MAST1: variants seen among roughly 807,000 people sequenced by gnomAD.
MAST1 encodes microtubule associated serine/threonine kinase 1, also known as microtubule-associated serine/threonine-protein kinase 1.
In MAST1, 40 loss-of-function variants were observed where a neutral mutation model predicts 124.6. That is an observed-to-expected ratio of 0.32 (90% CI 0.25 to 0.42). The LOEUF (loss-of-function observed/expected upper bound fraction) is 0.42, where lower values mean the gene tolerates loss of function less well. MAST1 is among the 10% of genes least tolerant of loss of function. The pLI is 1.00. For synonymous variants in MAST1, 938 were observed against 939.4 expected (o/e 1.00, Z 0.03); for missense variants, 1,558 against 2,181.9 (o/e 0.71, Z 5.70).
At position 12,858,318 on chromosome 19, in the gene MAST1, C is replaced by G. The variant is rs780963326; in HGVS notation, c.1078-44C>G. On this transcript the variant is annotated intron_variant, in intron 10 of 25. Transcript: ENST00000251472. ...AAAATGAAATTAAAAGCATCCTGCTCTCATGATGATGATGGTGGTGTGGTC... is the reference window on the plus strand; with the variant it reads ...AAAATGAAATTAAAAGCATCCTGCTGTCATGATGATGATGGTGGTGTGGTC... 15 of 1,524,956 alleles carry G rather than the reference C, an allele frequency of 9.8e-6. No individual in the cohort carries two copies. In the African/African-American group the frequency reaches 1.4e-4, roughly 14 times the overall value. The allele number at this position is 1,524,956 out of a possible 1,614,324, so 94.5% of individuals were successfully genotyped here. A position where few individuals can be genotyped will look rare whatever the true frequency, so the allele number is the denominator to read the frequency against.
At chr19:12,870,352 G>A (rs565629897) in intron 22 of MAST1, among the ~76,000 whole-genome samples, 4 of 149,736 alleles carry the variant, frequency 2.7e-5, no homozygotes, top group South Asian at 4.2e-4. Flanking sequence ...TTAGCCAGGC[G>A]TGGTGGCAGA....
chr19:12,866,639 T>C lies in MAST1; in HGVS notation c.2030-14T>C, dbSNP rs1599589365. 4 of 1,591,992 alleles carry C rather than the reference T, an allele frequency of 2.5e-6. No homozygotes were observed. In the East Asian group the frequency reaches 9.0e-5, roughly 36 times the overall value. Reference sequence around the variant, plus strand: ...ACCCCGTACCCTCAGTCACAGCCCATACCCGCTCCCCAGCCCGCTCAGACA... The same window carrying C: ...ACCCCGTACCCTCAGTCACAGCCCACACCCGCTCCCCAGCCCGCTCAGACA... On this transcript the variant is annotated splice_polypyrimidine_tract_variant and intron_variant, in intron 17 of 25. Transcript: ENST00000251472. The surrounding 1 kb of genome is among the most constrained non-coding windows in gnomAD (Gnocchi z 5.2).
chr19:12,850,223 A>C (rs1165845358), intron 7 of MAST1, among the ~76,000 whole-genome samples: 2 of 152,204 alleles, frequency 1.3e-5, no homozygotes, highest in African/African-American at 4.8e-5. Flanking sequence ...GCAGGAAGAG[A>C]CAGAAGATAA....
In MAST1 at chr19:12,874,731, C is replaced by T. The variant is rs755137826; in HGVS notation, c.4574C>T (p.Thr1525Ile). 3.7e-6 allele frequency: 6 copies of T among 1,600,580 alleles called. No individual in the cohort carries two copies. The highest frequency in any genetic ancestry group is 5.1e-6 in the Non-Finnish European group (6 of 1,170,066). ...AKCSAPSSAV[T>I]PVPPASLLGS... ...TGCAGTGCACCCAGCAGTGCAGTGA[C>T]CCCAGTCCCACCCGCATCCCTCTTG... The change falls in exon 26 of 26, where the codon ACC becomes ATC. Residue 1525 changes from threonine (T) to isoleucine (I), a missense_variant. This residue lies in a region of MAST1 where 168 missense variants were observed against 154.3 expected (regional missense o/e 1.09). Transcript: ENST00000251472. The surrounding 1 kb of genome is among the most constrained non-coding windows in gnomAD (Gnocchi z 6.6).
At chr19:12,839,104 G>A (rs949602501) in intron 1 of MAST1, among the ~76,000 whole-genome samples, 5 of 151,892 alleles carry the variant, frequency 3.3e-5, no homozygotes, top group Admixed American at 2.6e-4. Context: ...CTCCCTCTTC[G>A]GGAGCTGGAT....
chr19:12,859,566 C>T (rs544818580), intron 12 of MAST1, among the ~76,000 whole-genome samples: 1 of 151,716 alleles, frequency 6.6e-6, no homozygotes, highest in South Asian at 2.1e-4. Context: ...TTTGGGAGGC[C>T]AAGGTGGGGA....
At position 12,867,480 on chromosome 19, in the gene MAST1, A is replaced by T. The variant is rs776461858; in HGVS notation, c.2146A>T (p.Ser716Cys). 3 of 1,613,182 alleles carry T rather than the reference A, an allele frequency of 1.9e-6. No homozygotes were observed. In the African/African-American group the frequency reaches 4.0e-5, roughly 22 times the overall value. The change falls in exon 19 of 26, where the codon AGC becomes TGC. Residue 716 changes from serine to cysteine, a missense_variant. Physicochemically the swap from Ser to Cys is moderately radical, Grantham distance 112. Coordinates refer to ENST00000251472, the MANE Select transcript of MAST1 (RefSeq NM_014975.3). ...CTCCCACCACCACCTACAGGTGTAT[A>T]GCAGCATGGAGCAGCTGTCGCAGCA... is the stretch of plus-strand genomic sequence containing the variant. ...SCSPRFSKVY[S>C]SMEQLSQHEP...
At chr19:12,851,350 G>GC (rs550232172) in intron 7 of MAST1, among the ~76,000 whole-genome samples, 1 of 150,466 alleles carries the variant, frequency 6.6e-6, no homozygotes, top group Admixed American at 6.6e-5. Context: ...TGCAGCCTTA[G>GC]CCCCCTGGGC....
rs1453881031 is a variant in MAST1, at chr19:12,874,153, C to T, written c.3996C>T (p.Gly1332=). ...GGCAGGTCGCCGTCCGCCGCCTGGG[C>T]CGACAGGAGTCACCTTTGAGCCTGG... ...APRQVAVRRL[G]RQESPLSLGA... Residue 1332 remains glycine (G), a synonymous_variant, in exon 26 of 26, where the codon GGC becomes GGT. Coordinates refer to ENST00000251472, the MANE Select transcript of MAST1 (RefSeq NM_014975.3). The surrounding 1 kb of genome is among the most constrained non-coding windows in gnomAD (Gnocchi z 6.6). 2 of 1,540,720 alleles carry T rather than the reference C, an allele frequency of 1.3e-6. No individual in the cohort carries two copies. The highest frequency in any genetic ancestry group is 8.7e-7 in the Non-Finnish European group (1 of 1,145,840).
chr19:12,849,200 A>G (rs1228027798), intron 7 of MAST1, among the ~76,000 whole-genome samples: 1 of 152,126 alleles, frequency 6.6e-6, no homozygotes, highest in Admixed American at 6.6e-5. Flanking sequence ...CCCAGCACAC[A>G]GTAGGTACTC....
At chr19:12,868,507 A>G (rs1970191490) in intron 20 of MAST1, 136 bp from the exon 21 acceptor site, 1 of 707,220 alleles carries the variant, frequency 1.4e-6, no homozygotes, top group East Asian at 2.6e-5. Flanking sequence ...GCAGTGAGGC[A>G]TGCAGGTTAC....
intron 10 of MAST1, among the ~76,000 whole-genome samples, chr19:12,857,846 G>A (rs1483822203): frequency 6.6e-6 from 1 of 151,872 alleles, no homozygotes; most frequent in Non-Finnish European, 1.5e-5. Flanking sequence ...TGGGCAAGAT[G>A]GCAAAACCAA....
Position 12,865,570 on chromosome 19 carries a change from C to T in MAST1, c.1804+89C>T. On this transcript the variant is annotated intron_variant, in intron 15 of 25. Coordinates refer to ENST00000251472, the MANE Select transcript of MAST1 (RefSeq NM_014975.3). This position sits in a 1 kb window ranked among gnomAD's most constrained non-coding sequence, Gnocchi z 7.1. ...GGTTCCAGGGATTTCAAAAGCGACC[C>T]CCCAGAGGATCGCTTGCACTCAGGA... 1 of 1,514,194 alleles carries T rather than the reference C, an allele frequency of 6.6e-7. No homozygotes were observed. Among genetic ancestry groups the T allele is most frequent in the Non-Finnish European group, 8.9e-7 (1 of 1,123,934 alleles). 93.8% of individuals were successfully genotyped at this position (1,514,194 alleles called of 1,614,324 possible).
At position 12,874,086 on chromosome 19, in the gene MAST1, C is replaced by A. The variant is rs1212566160; in HGVS notation, c.3929C>A (p.Ser1310Tyr). ...GELALHSLAE[S>Y]DGETPPVEGL... The stretch of plus-strand genomic sequence containing the variant: ...CTGGCGCTGCATAGCCTTGCCGAGT[C>A]CGACGGTGAGACGCCCCCAGTCGAG... Residue 1310 changes from serine to tyrosine, a missense_variant, in exon 26 of 26, where the codon TCC (serine) becomes TAC (tyrosine). Coordinates refer to ENST00000251472, the MANE Select transcript of MAST1 (RefSeq NM_014975.3). This position sits in a 1 kb window ranked among gnomAD's most constrained non-coding sequence, Gnocchi z 6.6. 1 of 1,573,296 alleles carries A rather than the reference C, an allele frequency of 6.4e-7. No homozygotes were observed. Among genetic ancestry groups the A allele is most frequent in the South Asian group, 1.2e-5 (1 of 86,394 alleles).
intron 4 of MAST1, among the ~76,000 whole-genome samples, chr19:12,844,155 A>G (rs1235696256): frequency 6.6e-6 from 1 of 151,912 alleles, no homozygotes; most frequent in Admixed American, 6.6e-5. Context: ...CTCATTTCTG[A>G]CTCACTCATT....
intron 1 of MAST1, among the ~76,000 whole-genome samples, chr19:12,839,251 C>T (rs1002424140): frequency 3.3e-5 from 5 of 151,934 alleles, no homozygotes; most frequent in African/African-American, 7.3e-5. Context: ...CCCTAGTGGC[C>T]CAGATACACT....
At position 12,843,788 on chromosome 19, in the gene MAST1, C is replaced by G. The variant is rs1450181821; in HGVS notation, c.327+181C>G. Reference sequence around the variant, plus strand: ...GGCCAAGACAGAAGGATTGCTTGAGCCTAGGAGTTCAAGACCAGTCTGGGC... The same window carrying G: ...GGCCAAGACAGAAGGATTGCTTGAGGCTAGGAGTTCAAGACCAGTCTGGGC... On this transcript the variant is annotated intron_variant, in intron 4 of 25. Coordinates refer to ENST00000251472, the MANE Select transcript of MAST1 (RefSeq NM_014975.3). The surrounding 1 kb of genome is among the most constrained non-coding windows in gnomAD (Gnocchi z 4.9). Among the ~76,000 whole-genome samples, 2 of 152,036 alleles carry G rather than the reference C, an allele frequency of 1.3e-5. No homozygotes were observed.
rs189832910 is a variant in MAST1 at position 12,864,483 on chromosome 19, G to C, written c.1367-326G>C. The stretch of plus-strand genomic sequence containing the variant: ...TTCAGACACCAGGAGATAGAGGGCT[G>C]TGCTTCCAGATGCAGTTGATAAGTG... On this transcript the variant is annotated intron_variant, in intron 12 of 25. Coordinates refer to ENST00000251472, the MANE Select transcript of MAST1 (RefSeq NM_014975.3). Among the ~76,000 whole-genome samples, 255 of 152,070 alleles carry C rather than the reference G, an allele frequency of 1.7e-3. 3 individuals are homozygous for C. Among genetic ancestry groups the C allele is most frequent in the Non-Finnish European group, 3.8e-4 (26 of 68,004 alleles).
rs1373750360 is a variant in MAST1 at position 12,874,913 on chromosome 19, A to G, written c.*43A>G. 26 of 1,546,990 alleles carry G rather than the reference A, an allele frequency of 1.7e-5. No individual in the cohort carries two copies. The highest frequency in any genetic ancestry group is 1.7e-4 in the Middle Eastern group (1 of 6,020). ...CCCGCGCTGTACAGCCTCCGTATAC[A>G]TATGTACACATATAAATAAAGTGCG... On this transcript the variant is annotated 3_prime_UTR_variant, in exon 26 of 26. Coordinates refer to ENST00000251472, the MANE Select transcript of MAST1 (RefSeq NM_014975.3). This position sits in a 1 kb window ranked among gnomAD's most constrained non-coding sequence, Gnocchi z 6.6.
Sources: allele counts gnomAD v4.1 joint callset (sites outside exome capture counted in the v4.1 genomes callset), GRCh38; gene constraint gnomAD v4.1.1; regional missense constraint gnomAD v4.1.1; non-coding constraint Gnocchi (gnomAD v3.1); transcripts MANE v1.5; gene names NCBI Gene and HGNC (gene_info 2026-07-23, HGNC 2026-07-21).